Variants in RNF13 observed in about 807,000 individuals in gnomAD.
RNF13 encodes the protein ring finger protein 13.
Under a neutral mutation model 37.7 loss-of-function variants are expected in RNF13, and 19 were observed. The ratio of observed to expected loss-of-function variants is 0.50; its 90% CI spans 0.35 to 0.74. The LOEUF (loss-of-function observed/expected upper bound fraction) is 0.74, where lower values mean the gene tolerates loss of function less well. Among genes scored for constraint, RNF13 ranks in the 30% least tolerant of loss-of-function variants. The pLI, the probability that RNF13 is intolerant of heterozygous loss-of-function variation, is 0.01. For synonymous variants in RNF13, 144 were observed against 157.8 expected, an observed-to-expected ratio of 0.91 and a Z score of 0.65; for missense variants, 375 against 453.0, an observed-to-expected ratio of 0.83 and a Z score of 1.56.
chr3:149,851,447 G>T (rs906441938), intron 2 of RNF13: 6 of 152,228 alleles, frequency 3.9e-5, no homozygotes, highest in Non-Finnish European at 8.8e-5. Context: ...TAACCAATGG[G>T]TGTTTGATTC....
At chr3:149,895,804 G>A (rs556503583) in intron 5 of RNF13, among the ~76,000 whole-genome samples, 1 of 152,050 alleles carries the variant, frequency 6.6e-6, no homozygotes, top group South Asian at 2.1e-4. Flanking sequence ...AAACCAAAAT[G>A]GGGGAAACAG....
chr3:149,895,597 AC>A, intron 5 of RNF13, 37 bp downstream of exon 5: 1 of 1,311,950 alleles, frequency 7.6e-7, no homozygotes, highest in Non-Finnish European at 1.1e-6. Context: ...CTCCTGTTTG[AC>A]AGATCATTTG....
At chr3:149,854,542 GGGA>G (rs1723458264) in intron 3 of RNF13, among the ~76,000 whole-genome samples, 1 of 152,190 alleles carries the variant, frequency 6.6e-6, no homozygotes, top group Admixed American at 6.5e-5. Flanking sequence ...TACCCAGAAA[GGGA>G]TTTATAAAGG....
chr3:149,947,208 T>C (rs1347126290), intron 8 of RNF13, among the ~76,000 whole-genome samples: 1 of 152,058 alleles, frequency 6.6e-6, no homozygotes, highest in Non-Finnish European at 1.5e-5. Flanking sequence ...GAATATTACA[T>C]GTGCGTTTGA....
intron 5 of RNF13, among the ~76,000 whole-genome samples, chr3:149,896,833 G>C (rs1435814015): frequency 6.6e-6 from 1 of 151,950 alleles, no homozygotes; most frequent in East Asian, 1.9e-4. Flanking sequence ...TATGTAAAAA[G>C]TAAAATTTAT....
chr3:149,881,915 G>A (rs184011116), intron 4 of RNF13, among the ~76,000 whole-genome samples: 33 of 152,210 alleles, frequency 2.2e-4, no homozygotes, highest in South Asian at 2.1e-3. Context: ...AAGCTTCAGC[G>A]TTAAAACCAT....
chr3:149,829,646 G>A (rs1394484736), intron 1 of RNF13, among the ~76,000 whole-genome samples: 1 of 152,152 alleles, frequency 6.6e-6, no homozygotes, highest in Non-Finnish European at 1.5e-5. Flanking sequence ...TGCTTAAAAA[G>A]AGAAGCCCTA....
At chr3:149,932,348 C>A (rs1576557100) in intron 8 of RNF13, among the ~76,000 whole-genome samples, 1 of 152,282 alleles carries the variant, frequency 6.6e-6, no homozygotes, top group East Asian at 1.9e-4. Context: ...ACATGTTCCT[C>A]TTGCGTAGTA....
chr3:149,836,736 A>T (rs1721664498), intron 1 of RNF13, among the ~76,000 whole-genome samples: 1 of 152,172 alleles, frequency 6.6e-6, no homozygotes, highest in African/African-American at 2.4e-5. Context: ...TAGCTAAAAG[A>T]TCTAAGCAAC....
intron 4 of RNF13, among the ~76,000 whole-genome samples, chr3:149,876,971 T>G (rs1712784333): frequency 6.6e-6 from 1 of 151,648 alleles, no homozygotes. Flanking sequence ...GTAGAGATGG[T>G]ATTTCATCAT....
Position 149,957,408 on chromosome 3 carries a change from A to G in RNF13, c.701-2648A>G, listed in dbSNP as rs563888491. Among the ~76,000 whole-genome samples the G allele has an allele frequency of 3.4e-3, 508 of 148,532 alleles. 1 individual carries two copies. Among genetic ancestry groups the G allele is most frequent in the Middle Eastern group, 0.017 (5 of 290 alleles). On this transcript the variant is annotated intron_variant, in intron 8 of 9. Coordinates refer to ENST00000392894, the MANE Select transcript of RNF13 (RefSeq NM_183381.3). The stretch of plus-strand genomic sequence containing the variant: ...GAGGGGAGCAACTAGCTTTTTTTTT[A>G]AAGTATTTCTAATGCATTCAACCTA...
intron 1 of RNF13, among the ~76,000 whole-genome samples, chr3:149,841,305 A>G (rs1295398299): frequency 1.3e-5 from 2 of 152,202 alleles, no homozygotes; most frequent in East Asian, 3.9e-4. Context: ...GAAAACAACA[A>G]AACAAAACCT....
intron 3 of RNF13, among the ~76,000 whole-genome samples, chr3:149,862,425 A>C (rs1284430678): frequency 6.6e-6 from 1 of 152,070 alleles, no homozygotes; most frequent in African/African-American, 2.4e-5. Context: ...CTCCTTATAG[A>C]TGATCATTAT....
At chr3:149,818,053 C>G (rs1036209051) in intron 1 of RNF13, among the ~76,000 whole-genome samples, 1 of 152,178 alleles carries the variant, frequency 6.6e-6, no homozygotes, top group Non-Finnish European at 1.5e-5. Flanking sequence ...AGTTTCCTGT[C>G]AAGTTCTCAG....
intron 8 of RNF13, among the ~76,000 whole-genome samples, chr3:149,933,703 C>A (rs555603825): frequency 6.6e-6 from 1 of 151,616 alleles, no homozygotes; most frequent in East Asian, 1.9e-4. Context: ...CCTGCCTCAG[C>A]CTCCCAAGTA....
At chr3:149,860,379 G>A (rs1293767487) in intron 3 of RNF13, among the ~76,000 whole-genome samples, 1 of 146,826 alleles carries the variant, frequency 6.8e-6, no homozygotes, top group South Asian at 2.1e-4. Context: ...ATATAACAAG[G>A]CTGTAAGAAC....
chr3:149,829,186 TCCTC>T (rs1321246262), intron 1 of RNF13, among the ~76,000 whole-genome samples: 1 of 152,062 alleles, frequency 6.6e-6, no homozygotes, highest in Non-Finnish European at 1.5e-5. Context: ...TGCAACCTCT[TCCTC>T]CCAGGTTCAA....
chr3:149,821,861 T>C (rs1182271721), intron 1 of RNF13, among the ~76,000 whole-genome samples: 1 of 152,182 alleles, frequency 6.6e-6, no homozygotes, highest in Non-Finnish European at 1.5e-5. Context: ...TTCATTGTCT[T>C]GCATGTGAAT....
In RNF13 at chr3:149,913,426, C is replaced by T. The variant is rs374743767; in HGVS notation, c.606+1343C>T. Among the ~76,000 whole-genome samples, 13 of 152,218 alleles carry T rather than the reference C, an allele frequency of 8.5e-5. No individual in the cohort carries two copies. In the East Asian group the frequency reaches 2.1e-3, roughly 25 times the overall value. ...CCTGTTCATCCGTCATCTACTTTCC[C>T]GCATTGTTAACATTTTACATTGCCA... On this transcript the variant is annotated intron_variant, in intron 7 of 9. Coordinates refer to ENST00000392894, the MANE Select transcript of RNF13 (RefSeq NM_183381.3).
Sources: gnomAD v4.1 joint callset for allele counts (sites outside exome capture counted in the v4.1 genomes callset) on GRCh38, gnomAD v4.1.1 for gene constraint, MANE v1.5 for transcripts, NCBI Gene and HGNC (gene_info 2026-07-23, HGNC 2026-07-21) for gene names.